The following NFIA variants were observed in gnomAD, a reference collection of about 807,000 sequenced individuals.
The protein encoded by NFIA is nuclear factor I A, also known as nuclear factor 1 A-type.
A neutral mutation model predicts 62.8 loss-of-function variants in NFIA; 8 were observed. That is an observed-to-expected ratio of 0.13 (90% CI 0.07 to 0.23). NFIA has a LOEUF of 0.23. Ranked by LOEUF, NFIA falls within the 10% of genes least tolerant of loss-of-function variation. The pLI is 1.00. For missense variants in NFIA, 410 were observed against 642.1 expected, an observed-to-expected ratio of 0.64 and a Z score of 3.91; for synonymous variants, 235 against 238.1, an observed-to-expected ratio of 0.99 and a Z score of 0.12.
intron 2 of NFIA, among the ~76,000 whole-genome samples, chr1:61,223,444 T>G (rs993543816): frequency 1.3e-5 from 2 of 152,026 alleles, no homozygotes; most frequent in African/African-American, 4.8e-5. Flanking sequence ...AGACAAAATA[T>G]GGATTTTGAT....
chr1:61,185,997 G>C (rs1026534666), intron 2 of NFIA, among the ~76,000 whole-genome samples: 1 of 151,980 alleles, frequency 6.6e-6, no homozygotes, highest in East Asian at 1.9e-4. Context: ...TCTACCTTTT[G>C]CACTTTTCCT....
chr1:61,398,668 C>T (rs1665405908), intron 7 of NFIA, among the ~76,000 whole-genome samples: 1 of 152,158 alleles, frequency 6.6e-6, no homozygotes, highest in Non-Finnish European at 1.5e-5. Flanking sequence ...CACCTCGAGT[C>T]AAAAGCTTTG....
At chr1:61,374,383 G>A (rs1316664019) in intron 6 of NFIA, among the ~76,000 whole-genome samples, 1 of 152,072 alleles carries the variant, frequency 6.6e-6, no homozygotes, top group African/African-American at 2.4e-5. Context: ...CCAACCTCTT[G>A]TAAGTATATG....
chr1:61,332,352 T>C (rs1661341085), intron 3 of NFIA, among the ~76,000 whole-genome samples, 160 bp from the exon 4 acceptor site: 1 of 152,210 alleles, frequency 6.6e-6, no homozygotes, highest in Non-Finnish European at 1.5e-5. Flanking sequence ...ATCTATCTGC[T>C]TAGCTAAATG....
intron 2 of NFIA, among the ~76,000 whole-genome samples, chr1:61,210,971 A>T (rs530357892): frequency 6.6e-6 from 1 of 152,352 alleles, no homozygotes; most frequent in Admixed American, 6.5e-5. Context: ...CTGAACTGGC[A>T]TCATTTCACA....
chr1:61,201,707 T>C (rs1570369492), intron 2 of NFIA, among the ~76,000 whole-genome samples: 2 of 152,166 alleles, frequency 1.3e-5, no homozygotes, highest in South Asian at 4.1e-4. Flanking sequence ...CGAGAGGTCC[T>C]GAGCTATTAG....
At chr1:61,223,348 G>A (rs1352178496) in intron 2 of NFIA, among the ~76,000 whole-genome samples, 1 of 151,950 alleles carries the variant, frequency 6.6e-6, no homozygotes, top group African/African-American at 2.4e-5. Context: ...GCATATTCTT[G>A]TGTCATTTTT....
intron 3 of NFIA, among the ~76,000 whole-genome samples, chr1:61,303,289 G>C (rs143605251): frequency 6.6e-6 from 1 of 152,114 alleles, no homozygotes; most frequent in Admixed American, 6.5e-5. Flanking sequence ...AGTTGCACAG[G>C]ATACATCACT....
intron 2 of NFIA, among the ~76,000 whole-genome samples, chr1:61,237,144 C>A (rs888161743): frequency 2.6e-5 from 4 of 152,086 alleles, no homozygotes; most frequent in Non-Finnish European, 5.9e-5. Flanking sequence ...AATAAATGAT[C>A]AAAGCATTTC....
At chr1:61,157,814 A>G (rs1648921494) in intron 2 of NFIA, among the ~76,000 whole-genome samples, 1 of 152,228 alleles carries the variant, frequency 6.6e-6, no homozygotes, top group African/African-American at 2.4e-5. Context: ...ATTAATACCC[A>G]CTGTCTCTTA....
At chr1:61,159,325 C>T (rs1440186187) in intron 2 of NFIA, among the ~76,000 whole-genome samples, 2 of 152,118 alleles carry the variant, frequency 1.3e-5, no homozygotes, top group African/African-American at 2.4e-5. Context: ...AAGCATTGAT[C>T]TTGGAATTAG....
intron 9 of NFIA, among the ~76,000 whole-genome samples, chr1:61,414,420 C>T (rs565642389): frequency 4.6e-5 from 7 of 152,300 alleles, no homozygotes; most frequent in Non-Finnish European, 8.8e-5. Flanking sequence ...GTCATTCAGC[C>T]AGGATGCTAG....
intron 2 of NFIA, among the ~76,000 whole-genome samples, chr1:61,260,732 C>A (rs1027737822): frequency 1.3e-5 from 2 of 152,124 alleles, no homozygotes; most frequent in African/African-American, 4.8e-5. Context: ...AGGCGCCCAC[C>A]ACCAGGCCCG....
chr1:61,461,929 GA>G lies in NFIA; in HGVS notation c.*6615del. On this transcript the variant is annotated 3_prime_UTR_variant, in exon 11 of 11. Transcript: ENST00000403491. ...GTTTTTATACTCAACTTCTCAAAAT[GA>G]AAAAAGCTTTTATTTTTCCTTTGAC... 6.7e-6 allele frequency: 1 copy of G among 149,834 alleles called. No individual in the cohort carries two copies. Among genetic ancestry groups the G allele is most frequent in the South Asian group, 2.1e-4 (1 of 4,750 alleles). 9.3% of individuals were successfully genotyped at this position (149,834 alleles called of 1,614,324 possible).
chr1:61,420,061 T>C (rs897895364), intron 9 of NFIA, among the ~76,000 whole-genome samples: 7 of 152,206 alleles, frequency 4.6e-5, no homozygotes, highest in African/African-American at 1.4e-4. Context: ...CATTCCATCA[T>C]GTGGGGGTTT....
At chr1:61,138,734 T>C (rs1647279201) in intron 2 of NFIA, among the ~76,000 whole-genome samples, 1 of 151,870 alleles carries the variant, frequency 6.6e-6, no homozygotes, top group African/African-American at 2.4e-5. Flanking sequence ...CATGTGCTAC[T>C]GCACTCAGAC....
At chr1:61,166,818 G>A (rs1649596404) in intron 2 of NFIA, among the ~76,000 whole-genome samples, 2 of 152,322 alleles carry the variant, frequency 1.3e-5, no homozygotes, top group East Asian at 3.9e-4. Context: ...GATAAATATA[G>A]TGTTCTTGTA....
chr1:61,139,293 A>G (rs1406972742), intron 2 of NFIA, among the ~76,000 whole-genome samples: 1 of 152,222 alleles, frequency 6.6e-6, no homozygotes, highest in African/African-American at 2.4e-5. Context: ...CATGCAGAGG[A>G]TAGTCCGGAA....
intron 2 of NFIA, among the ~76,000 whole-genome samples, chr1:61,225,200 T>C (rs1654253515): frequency 6.6e-6 from 1 of 151,476 alleles, no homozygotes; most frequent in South Asian, 2.1e-4. Context: ...GGTTTTAGCC[T>C]AAAACACAGT....
Sources: allele counts gnomAD v4.1 joint callset (sites outside exome capture counted in the v4.1 genomes callset), GRCh38; gene constraint gnomAD v4.1.1; transcripts MANE v1.5; gene names NCBI Gene and HGNC (gene_info 2026-07-23, HGNC 2026-07-21).